The following THSD7B variants were observed in gnomAD, a reference collection of about 807,000 sequenced individuals.
The protein encoded by THSD7B is thrombospondin type-1 domain-containing protein 7B.
In THSD7B, 138 loss-of-function variants were observed where a neutral mutation model predicts 213.6. The ratio of observed to expected loss-of-function variants is 0.65; its 90% CI spans 0.56 to 0.74. The LOEUF (loss-of-function observed/expected upper bound fraction) is 0.74. Among genes scored for constraint, THSD7B ranks in the 30% least tolerant of loss-of-function variants. The pLI is 0.00. For missense variants in THSD7B, 1,931 were observed against 1,991.5 expected (o/e 0.97, Z 0.58); for synonymous variants, 742 against 687.0 (o/e 1.08, Z -1.25).
At chr2:137,372,454 A>G (rs1376731073) in intron 12 of THSD7B, among the ~76,000 whole-genome samples, 3 of 150,206 alleles carry the variant, frequency 2.0e-5, no homozygotes, top group African/African-American at 4.9e-5. Flanking sequence ...TTGAGTTACA[A>G]CTTGGTTTTA....
At chr2:136,981,563 A>G (rs190534651) in intron 2 of THSD7B, among the ~76,000 whole-genome samples, 285 of 152,274 alleles carry the variant, frequency 1.9e-3, no homozygotes, top group African/African-American at 6.7e-3. Context: ...TAGACATGGA[A>G]TATTCTCATT....
intron 5 of THSD7B, among the ~76,000 whole-genome samples, chr2:137,131,457 G>T (rs1688730744): frequency 6.6e-6 from 1 of 152,142 alleles, no homozygotes; most frequent in Non-Finnish European, 1.5e-5. Context: ...CCTTGCCCAT[G>T]CCTATGTCCT....
intron 2 of THSD7B, among the ~76,000 whole-genome samples, chr2:136,899,029 CA>C (rs1330501603): frequency 1.3e-5 from 2 of 151,814 alleles, no homozygotes; most frequent in Admixed American, 6.6e-5. Context: ...ATTTTTCCAG[CA>C]AAAAGGAAAA....
chr2:137,610,164 C>T (rs1682261750), intron 17 of THSD7B, among the ~76,000 whole-genome samples: 1 of 152,060 alleles, frequency 6.6e-6, no homozygotes. Context: ...CTAGAGGACT[C>T]ATTAAAACAA....
chr2:137,499,001 G>A (rs1679639542), intron 15 of THSD7B, among the ~76,000 whole-genome samples: 1 of 152,144 alleles, frequency 6.6e-6, no homozygotes. Context: ...AAGTGGGCAA[G>A]GAGGTACAGG....
intron 17 of THSD7B, among the ~76,000 whole-genome samples, chr2:137,611,009 TAAAAA>T (rs1225195180): frequency 6.9e-6 from 1 of 145,792 alleles, no homozygotes; most frequent in Admixed American, 6.8e-5. Flanking sequence ...TAATAATAAA[TAAAAA>T]ATAAAATAAA....
chr2:136,969,372 A>G (rs1012000968), intron 2 of THSD7B, among the ~76,000 whole-genome samples: 1 of 152,188 alleles, frequency 6.6e-6, no homozygotes, highest in Non-Finnish European at 1.5e-5. Context: ...GTAATACCAC[A>G]AAATATTTTA....
At chr2:137,352,408 A>G (rs934686404) in intron 12 of THSD7B, among the ~76,000 whole-genome samples, 1 of 151,958 alleles carries the variant, frequency 6.6e-6, no homozygotes, top group Non-Finnish European at 1.5e-5. Flanking sequence ...AAACTTGTTC[A>G]TTTCCCTGCT....
At chr2:137,000,945 T>A (rs1685987971) in intron 2 of THSD7B, among the ~76,000 whole-genome samples, 1 of 152,126 alleles carries the variant, frequency 6.6e-6, no homozygotes, top group East Asian at 1.9e-4. Flanking sequence ...TAATGTTTGC[T>A]TATTTTACTC....
rs768268987 is a variant in THSD7B at position 137,160,407 on chromosome 2, C to T, written c.1525+39C>T. On this transcript the variant is annotated intron_variant, in intron 6 of 27. Transcript: ENST00000409968. Reference sequence around the variant, plus strand: ...TTGCATGCGCTTCATTTGCTGTCAGCGTACAAACATTTATTCTGGTAGCTA... The same window carrying T: ...TTGCATGCGCTTCATTTGCTGTCAGTGTACAAACATTTATTCTGGTAGCTA... 27 of 1,601,166 alleles carry T rather than the reference C, an allele frequency of 1.7e-5. No homozygotes were observed. In the African/African-American group the frequency reaches 2.1e-4, roughly 13 times the overall value.
At chr2:137,596,541 T>C (rs186707349) in intron 17 of THSD7B, among the ~76,000 whole-genome samples, 1 of 152,192 alleles carries the variant, frequency 6.6e-6, no homozygotes, top group Non-Finnish European at 1.5e-5. Flanking sequence ...CCCATATTTA[T>C]CTCCATTGAG....
intron 1 of THSD7B, among the ~76,000 whole-genome samples, chr2:136,818,054 C>A (rs1173734915): frequency 6.8e-6 from 1 of 146,372 alleles, no homozygotes; most frequent in Non-Finnish European, 1.5e-5. Flanking sequence ...TGGGTATATA[C>A]CCAAAGGACT....
intron 14 of THSD7B, among the ~76,000 whole-genome samples, chr2:137,444,998 G>GTA (rs1287334366): frequency 6.6e-6 from 1 of 150,940 alleles, no homozygotes; most frequent in Non-Finnish European, 1.5e-5. Context: ...GCCAACAGAT[G>GTA]TATAAAAAAA....
At chr2:136,962,342 T>C (rs1353039798) in intron 2 of THSD7B, among the ~76,000 whole-genome samples, 2 of 151,616 alleles carry the variant, frequency 1.3e-5, no homozygotes, top group African/African-American at 4.8e-5. Flanking sequence ...AGTTGCTACA[T>C]TCGTGGTAAT....
At chr2:137,079,727 A>G (rs376785381) in intron 3 of THSD7B, among the ~76,000 whole-genome samples, 17 of 152,262 alleles carry the variant, frequency 1.1e-4, no homozygotes, top group African/African-American at 2.4e-4. Context: ...TGATATGACA[A>G]TTATCTTTGG....
At chr2:137,028,969 A>G (rs1351874468) in intron 2 of THSD7B, among the ~76,000 whole-genome samples, 1 of 151,834 alleles carries the variant, frequency 6.6e-6, no homozygotes, top group Non-Finnish European at 1.5e-5. Context: ...ATTCTAGTTT[A>G]TTTGATCTCT....
intron 2 of THSD7B, among the ~76,000 whole-genome samples, chr2:136,903,925 G>GGTGT (rs775988420): frequency 6.9e-4 from 75 of 108,822 alleles, no homozygotes; most frequent in African/African-American, 2.5e-3. Flanking sequence ...CTTCCTGTGA[G>GGTGT]GTGTGTGTGT....
intron 12 of THSD7B, among the ~76,000 whole-genome samples, chr2:137,280,458 A>G (rs1362615594): frequency 6.6e-6 from 1 of 152,170 alleles, no homozygotes; most frequent in Non-Finnish European, 1.5e-5. Flanking sequence ...GTTTTACTTC[A>G]TTATGCATTT....
At chr2:137,655,755 A>G (rs1683224846) in intron 22 of THSD7B, 95 bp downstream of exon 22, 2 of 1,347,724 alleles carry the variant, frequency 1.5e-6, no homozygotes, top group African/African-American at 3.0e-5. Context: ...CATCAAAATT[A>G]AAGTTTTTAA....
Sources: gnomAD v4.1 joint callset for allele counts (sites outside exome capture counted in the v4.1 genomes callset) on GRCh38, gnomAD v4.1.1 for gene constraint, MANE v1.5 for transcripts, NCBI Gene and HGNC (gene_info 2026-07-23, HGNC 2026-07-21) for gene names.